SGCA: variants seen among roughly 807,000 people sequenced by gnomAD.
SGCA encodes sarcoglycan alpha.
SGCA carries 34 observed loss-of-function variants against 38.1 expected under a neutral mutation model. The observed-to-expected ratio is 0.89, with a 90% CI of 0.68 to 1.19. The LOEUF (loss-of-function observed/expected upper bound fraction) is 1.19. SGCA is among the 50% of genes most tolerant of loss of function. SGCA has a pLI of 0.00. For missense variants in SGCA, 476 were observed against 524.9 expected, an observed-to-expected ratio of 0.91 and a Z score of 0.91; for synonymous variants, 209 against 214.6, an observed-to-expected ratio of 0.97 and a Z score of 0.23.
chr17:50,174,459 A>C (rs1394070911), intron 8 of SGCA, among the ~76,000 whole-genome samples: 1 of 151,806 alleles, frequency 6.6e-6, no homozygotes, highest in Non-Finnish European at 1.5e-5. Flanking sequence ...TGTTGTAAAC[A>C]CTCAGCCACA....
At chr17:50,171,025 C>T (rs986136066) in intron 8 of SGCA, among the ~76,000 whole-genome samples, 9 of 152,166 alleles carry the variant, frequency 5.9e-5, no homozygotes, top group African/African-American at 1.4e-4. Flanking sequence ...AATCGTGCCA[C>T]GGCACTCCAG....
intron 1 of SGCA, among the ~76,000 whole-genome samples, chr17:50,166,759 TCA>T (rs1211673013): frequency 1.3e-4 from 5 of 37,418 alleles, no homozygotes; most frequent in East Asian, 1.0e-3. Context: ...TCACACACCC[TCA>T]CACACACACC....
chr17:50,174,514 G>T (rs541786593), intron 8 of SGCA, among the ~76,000 whole-genome samples: 50 of 147,534 alleles, frequency 3.4e-4, no homozygotes, highest in South Asian at 6.5e-4. Context: ...GTAGGTTTTG[G>T]TTTTTTTTTT....
chr17:50,171,844 C>A, intron 8 of SGCA: 1 of 456,764 alleles, frequency 2.2e-6, no homozygotes, highest in Non-Finnish European at 4.4e-6. Context: ...ACTTGCAGGT[C>A]CCCTTGTCCG....
At chr17:50,175,150 C>G in intron 8 of SGCA, 107 bp from the exon 9 acceptor site, 2 of 1,026,888 alleles carry the variant, frequency 1.9e-6, no homozygotes, top group Non-Finnish European at 2.9e-6. Context: ...TGAGTCTCTC[C>G]CCACATAAGT....
rs974937944 is a variant in SGCA, at chr17:50,168,471, G to C, written c.483G>C (p.Leu161Phe). The C allele has an allele frequency of 1.9e-6, 3 of 1,583,304 alleles. No individual in the cohort carries two copies. The highest frequency in any genetic ancestry group is 2.6e-6 in the Non-Finnish European group (3 of 1,164,394). ...CTGCCAGCCGCTTCCTCTCAGCCTT[G>C]GGGGGACTCTGGGAGCCCGGAGAGC... is the stretch of plus-strand genomic sequence containing the variant. Reference protein sequence around the residue: ...STPASRFLSALGGLWEPGELQ... With the variant: ...STPASRFLSAFGGLWEPGELQ... Residue 161 changes from leucine to phenylalanine, a missense_variant, in exon 5 of 10, where the codon TTG becomes TTC. By Grantham distance (22) the Leu-to-Phe change is conservative. Transcript: ENST00000262018.
Position 50,170,170 on chromosome 17 carries a change from G to A in SGCA, c.775G>A (p.Asp259Asn). The change falls in exon 7 of 10, where the codon GAT (aspartate) becomes AAT (asparagine). Residue 259 changes from aspartate to asparagine, a missense_variant. Physicochemically the swap from Asp to Asn is conservative, Grantham distance 23 (BLOSUM62 1). Coordinates refer to ENST00000262018, the MANE Select transcript of SGCA (RefSeq NM_000023.4). ...LVDKSVPEPA[D>N]EVPTPGDGIL... is the part of the protein sequence containing the mutation. ...GGATAAGTCAGTGCCGGAGCCTGCA[G>A]ATGAGGTGCCCACCCCAGGTGATGG... The A allele has an allele frequency of 6.2e-7, 1 of 1,614,180 alleles. No homozygotes were observed. Among genetic ancestry groups the A allele is most frequent in the Non-Finnish European group, 8.5e-7 (1 of 1,180,042 alleles).
At chr17:50,169,325 G>A (rs1339058470) in intron 6 of SGCA, 71 bp downstream of exon 6, 1 of 1,341,446 alleles carries the variant, frequency 7.5e-7, no homozygotes, top group South Asian at 1.3e-5. Context: ...TCCCTCCCAT[G>A]CTGCTTCCTA....
chr17:50,170,022 A>C (rs1386440083), intron 6 of SGCA, 121 bp from the exon 7 acceptor site: 18 of 812,302 alleles, frequency 2.2e-5, no homozygotes, highest in Non-Finnish European at 3.3e-5. Flanking sequence ...TAACCAGTGC[A>C]CTGTCCCGCC....
Position 50,175,419 on chromosome 17 carries a change from C to T in SGCA, c.1146C>T (p.Leu382=), listed in dbSNP as rs1263910576. ...PPRVDSAQVP[L]ILDQH ...GCGTGGACAGCGCCCAGGTGCCCCT[C>T]ATTCTGGACCAGCACTGACAGCCTA... Residue 382 remains leucine (L), a synonymous_variant, in exon 9 of 10, where the codon CTC becomes CTT. Coordinates refer to ENST00000262018, the MANE Select transcript of SGCA (RefSeq NM_000023.4). The T allele has an allele frequency of 1.2e-6, 2 of 1,613,178 alleles. No individual in the cohort carries two copies. The highest frequency in any genetic ancestry group is 2.2e-5 in the East Asian group (1 of 44,892).
chr17:50,175,614 G>A, intron 9 of SGCA, 98 bp from the exon 10 acceptor site: 1 of 715,980 alleles, frequency 1.4e-6, no homozygotes, highest in South Asian at 1.5e-5. Flanking sequence ...CCAGGGCTAT[G>A]ACCCCAATGC....
chr17:50,171,843 T>A (rs888294684), intron 8 of SGCA: 2 of 456,616 alleles, frequency 4.4e-6, no homozygotes, highest in African/African-American at 4.0e-5. Flanking sequence ...TACTTGCAGG[T>A]CCCCTTGTCC....
In SGCA at chr17:50,168,590, G is replaced by A. The variant is rs1294396211; in HGVS notation, c.584+18G>A. 2 of 1,549,858 alleles carry A rather than the reference G, an allele frequency of 1.3e-6. No individual in the cohort carries two copies. Among genetic ancestry groups the A allele is most frequent in the Admixed American group, 3.9e-5 (2 of 51,272 alleles). ...AAAGAAGGGTAGGTGTGCAACCCTA[G>A]AGGACTTCCTGAAAGAGGAGGATGC... On this transcript the variant is annotated intron_variant, in intron 5 of 9. Transcript: ENST00000262018.
At position 50,167,170 on chromosome 17, in the gene SGCA, C is replaced by T. The variant is rs12939159; in HGVS notation, c.38-198C>T. Among the ~76,000 whole-genome samples the T allele has an allele frequency of 2.0e-5, 3 of 151,992 alleles. No individual in the cohort carries two copies. Among genetic ancestry groups the T allele is most frequent in the African/African-American group, 4.8e-5 (2 of 41,382 alleles). On this transcript the variant is annotated intron_variant, in intron 1 of 9. Transcript: ENST00000262018. This position sits in a 1 kb window ranked among gnomAD's most constrained non-coding sequence, Gnocchi z 4.5. Reference sequence around the variant, plus strand: ...GTGGGAGAGGTTCTCCCTCGAATCCCGAAACCCAGACGATTAAAATGTCTA... The same window carrying T: ...GTGGGAGAGGTTCTCCCTCGAATCCTGAAACCCAGACGATTAAAATGTCTA...
At position 50,170,323 on chromosome 17, in the gene SGCA, T is replaced by C; in HGVS notation, c.928T>C (p.Tyr310His). The change falls in exon 7 of 10, where the codon TAT becomes CAT. Residue 310 changes from tyrosine to histidine, a missense_variant. Tyr to His is a moderately conservative substitution (Grantham distance 83, BLOSUM62 2). Transcript: ENST00000262018. ...VALLLTLLLA[Y>H]VMCCRREGRL... ...CCTGCTTCTCACCTTGCTGCTGGCC[T>C]ATGTCATGTGCTGCCGGCGGGAGGG... 6.2e-7 allele frequency: 1 copy of C among 1,614,076 alleles called. No homozygotes were observed. The highest frequency in any genetic ancestry group is 8.5e-7 in the Non-Finnish European group (1 of 1,179,946).
chr17:50,169,334 T>A, intron 6 of SGCA, 80 bp downstream of exon 6: 1 of 1,243,850 alleles, frequency 8.0e-7, no homozygotes, highest in Non-Finnish European at 1.1e-6. Flanking sequence ...TGCTGCTTCC[T>A]ATCTCCGTCT....
rs370819630 is a variant in SGCA at position 50,167,731 on chromosome 17, A to G, written c.307A>G (p.Ile103Val). 3.0e-5 allele frequency: 48 copies of G among 1,609,360 alleles called. No individual in the cohort carries two copies. Among genetic ancestry groups the G allele is most frequent in the Non-Finnish European group, 3.7e-5 (44 of 1,176,834 alleles). ...CCCAGAAGATCGTGGGCTCCAGGTC[A>G]TTGAGGTGCCGTCAGGGACCCTGAG... ...ATPEDRGLQV[I>V]EVTAYNRDSF... is the part of the protein sequence containing the mutation. Residue 103 changes from isoleucine to valine, a missense_variant, in exon 3 of 10, where the codon ATT (isoleucine) becomes GTT (valine). Ile to Val is a conservative substitution (Grantham distance 29). Transcript: ENST00000262018. The surrounding 1 kb of genome is among the most constrained non-coding windows in gnomAD (Gnocchi z 4.5).
At chr17:50,171,619 GA>G (rs1485258446) in intron 8 of SGCA, 12 of 456,714 alleles carry the variant, frequency 2.6e-5, no homozygotes, top group Non-Finnish European at 4.8e-5. Context: ...GCGCTGCCCA[GA>G]GCGCCACCTC....
At chr17:50,168,351 A>C in intron 4 of SGCA, 23 bp from the exon 5 acceptor site, 1 of 1,551,814 alleles carries the variant, frequency 6.4e-7, no homozygotes, top group Non-Finnish European at 8.7e-7. Context: ...GTGCAGCCTG[A>C]GGTGTCCACC....
Sources: allele counts gnomAD v4.1 joint callset (sites outside exome capture counted in the v4.1 genomes callset), GRCh38; gene constraint gnomAD v4.1.1; non-coding constraint Gnocchi (gnomAD v3.1); transcripts MANE v1.5; gene names NCBI Gene and HGNC (gene_info 2026-07-23, HGNC 2026-07-21).